CDH4: variants seen among roughly 807,000 people sequenced by gnomAD.
CDH4 encodes the protein cadherin-4.
Under a neutral mutation model 86.0 loss-of-function variants are expected in CDH4, and 33 were observed. The ratio of observed to expected loss-of-function variants is 0.38; its 90% CI spans 0.29 to 0.51. CDH4 has a LOEUF of 0.51. Among genes scored for constraint, CDH4 ranks in the 20% least tolerant of loss-of-function variants. The pLI, the probability that CDH4 is intolerant of heterozygous loss-of-function variation, is 0.86. For synonymous variants in CDH4, 555 were observed against 549.4 expected, an observed-to-expected ratio of 1.01 and a Z score of -0.14; for missense variants, 1,114 against 1,307.4, an observed-to-expected ratio of 0.85 and a Z score of 2.28.
chr20:61,836,426 G>A (rs182803209), intron 4 of CDH4, among the ~76,000 whole-genome samples: 172 of 152,342 alleles, frequency 1.1e-3, no homozygotes, highest in African/African-American at 3.9e-3. Context: ...ATATGACTTT[G>A]AGGGGCTTTT....
chr20:61,349,212 G>A (rs1218727922), intron 2 of CDH4, among the ~76,000 whole-genome samples: 1 of 152,154 alleles, frequency 6.6e-6, no homozygotes, highest in Non-Finnish European at 1.5e-5. Context: ...AACAGACAGC[G>A]GGGACCCTGC....
chr20:61,646,162 T>C (rs1361151947), intron 2 of CDH4, among the ~76,000 whole-genome samples: 1 of 152,098 alleles, frequency 6.6e-6, no homozygotes, highest in Non-Finnish European at 1.5e-5. Context: ...TGCAGTGTGA[T>C]TCCCGCGGTG....
rs192769775 is a variant in CDH4 at position 61,681,550 on chromosome 20, C to T, written c.170-62013C>T. Reference sequence around the variant, plus strand: ...GCATTTTAAGGAATCTGTTAGCTCCCGAACTCTTGTTCCAAGGGGTAGGAG... The same window carrying T: ...GCATTTTAAGGAATCTGTTAGCTCCTGAACTCTTGTTCCAAGGGGTAGGAG... On this transcript the variant is annotated intron_variant, in intron 2 of 15. Coordinates refer to ENST00000614565, the MANE Select transcript of CDH4 (RefSeq NM_001794.5). This position sits in a 1 kb window ranked among gnomAD's most constrained non-coding sequence, Gnocchi z 4.5. 7.9e-5 allele frequency among the ~76,000 whole-genome samples: 12 copies of T among 152,250 alleles called. No homozygotes were observed. The highest frequency in any genetic ancestry group is 8.8e-5 in the Non-Finnish European group (6 of 68,016).
intron 2 of CDH4, among the ~76,000 whole-genome samples, chr20:61,545,184 T>C (rs1568886079): frequency 6.6e-6 from 1 of 152,220 alleles, no homozygotes; most frequent in Non-Finnish European, 1.5e-5. Flanking sequence ...AACGTGGCTG[T>C]TTACTGCTCC....
chr20:61,420,392 G>A (rs953436789), intron 2 of CDH4, among the ~76,000 whole-genome samples: 1 of 152,234 alleles, frequency 6.6e-6, no homozygotes, highest in Non-Finnish European at 1.5e-5. Context: ...AGGAAGGAAA[G>A]ATGCCATCTC....
At position 61,565,254 on chromosome 20, in the gene CDH4, GTGA is replaced by G. The variant is rs1474998488; in HGVS notation, c.170-178306_170-178304del. On this transcript the variant is annotated intron_variant, in intron 2 of 15. Transcript: ENST00000614565. ...GGTGGTGGTGGTGGCGGTGCTCTTG[GTGA>G]TGGTGGTGGTGGTCCTCTTGGTGAT... 6.1e-4 allele frequency among the ~76,000 whole-genome samples: 70 copies of G among 113,846 alleles called. 6 individuals are homozygous for G. Among genetic ancestry groups the G allele is most frequent in the Non-Finnish European group, 7.0e-4 (37 of 52,764 alleles). The allele number at this position is 113,846 out of a possible 152,430, so 74.7% of individuals were successfully genotyped here.
At position 61,760,360 on chromosome 20, in the gene CDH4, G is replaced by A. The variant is rs547913117; in HGVS notation, c.397-12643G>A. ...CCTCAGAAGTCATAGCCCAGGCTCC[G>A]GCTTTGCCCACAGGTGCGCGGGGAG... On this transcript the variant is annotated intron_variant, in intron 3 of 15. Transcript: ENST00000614565. Among the ~76,000 whole-genome samples, 82 of 152,290 alleles carry A rather than the reference G, an allele frequency of 5.4e-4. 1 individual carries two copies. Among genetic ancestry groups the A allele is most frequent in the African/African-American group, 6.3e-4 (26 of 41,572 alleles).
At chr20:61,672,827 A>C (rs1365524830) in intron 2 of CDH4, among the ~76,000 whole-genome samples, 1 of 152,024 alleles carries the variant, frequency 6.6e-6, no homozygotes, top group Non-Finnish European at 1.5e-5. Context: ...TCAGCTGGGA[A>C]CTGCAACCTG....
chr20:61,638,498 CTT>C (rs1205297151), intron 2 of CDH4, among the ~76,000 whole-genome samples: 53 of 152,022 alleles, frequency 3.5e-4, no homozygotes, highest in African/African-American at 1.3e-3. Context: ...TGGGGGGACA[CTT>C]TGGAAGGAAG....
intron 7 of CDH4, among the ~76,000 whole-genome samples, chr20:61,893,614 G>C (rs1984958457): frequency 1.3e-5 from 2 of 151,038 alleles, no homozygotes; most frequent in Admixed American, 1.3e-4. Context: ...GCAGATAGAG[G>C]GATAGTGGAT....
chr20:61,805,756 G>A (rs888618318), intron 4 of CDH4, among the ~76,000 whole-genome samples: 8 of 152,216 alleles, frequency 5.3e-5, no homozygotes, highest in African/African-American at 1.7e-4. Flanking sequence ...ACTCAGGGAG[G>A]GGCCCTCTCA....
intron 6 of CDH4, among the ~76,000 whole-genome samples, 192 bp downstream of exon 6, chr20:61,853,090 GC>G (rs1248091204): frequency 6.6e-6 from 1 of 152,222 alleles, no homozygotes; most frequent in East Asian, 1.9e-4. Context: ...CAAGGGGGTT[GC>G]AGACCACAGG....
chr20:61,324,019 A>G (rs143334803), intron 2 of CDH4, among the ~76,000 whole-genome samples: 1 of 152,374 alleles, frequency 6.6e-6, no homozygotes, highest in Non-Finnish European at 1.5e-5. Context: ...CCAACAAGAT[A>G]GAACTTGACA....
At chr20:61,374,353 G>T (rs954435514) in intron 2 of CDH4, among the ~76,000 whole-genome samples, 3 of 152,120 alleles carry the variant, frequency 2.0e-5, no homozygotes, top group Non-Finnish European at 4.4e-5. Context: ...GGGTGACTAG[G>T]GCACCCCATC....
intron 4 of CDH4, among the ~76,000 whole-genome samples, chr20:61,779,537 G>A (rs55740686): frequency 0.025 from 3,878 of 152,312 alleles, 162 homozygotes; most frequent in African/African-American, 0.088. Context: ...CCCCTACACC[G>A]AACAACTCAA....
intron 2 of CDH4, among the ~76,000 whole-genome samples, chr20:61,453,291 C>T (rs1007393630): frequency 2.0e-5 from 3 of 152,128 alleles, no homozygotes; most frequent in African/African-American, 4.8e-5. Context: ...TTATATATCT[C>T]AGCATATAAG....
At chr20:61,625,785 G>A (rs1346480501) in intron 2 of CDH4, among the ~76,000 whole-genome samples, 2 of 152,214 alleles carry the variant, frequency 1.3e-5, no homozygotes, top group Non-Finnish European at 2.9e-5. Flanking sequence ...CTTCAGCACA[G>A]GGCAGTTATA....
At chr20:61,634,961 T>C (rs2086931708) in intron 2 of CDH4, among the ~76,000 whole-genome samples, 1 of 152,206 alleles carries the variant, frequency 6.6e-6, no homozygotes, top group Admixed American at 6.5e-5. Flanking sequence ...CCGAAGCGTG[T>C]GTCGGAATTG....
At chr20:61,339,088 T>C (rs1600880498) in intron 2 of CDH4, among the ~76,000 whole-genome samples, 2 of 152,350 alleles carry the variant, frequency 1.3e-5, no homozygotes, top group East Asian at 3.9e-4. Context: ...TTCTCATGGA[T>C]GAATCTCTAA....
Sources: allele counts gnomAD v4.1 joint callset (sites outside exome capture counted in the v4.1 genomes callset), GRCh38; gene constraint gnomAD v4.1.1; non-coding constraint Gnocchi (gnomAD v3.1); transcripts MANE v1.5; gene names NCBI Gene and HGNC (gene_info 2026-07-23, HGNC 2026-07-21).